CHRNA7: variants seen among roughly 807,000 people sequenced by gnomAD.
CHRNA7 encodes neuronal acetylcholine receptor subunit alpha-7.
A neutral mutation model predicts 48.0 loss-of-function variants in CHRNA7; 17 were observed. The observed-to-expected ratio is 0.35, with a 90% CI of 0.24 to 0.53. The LOEUF (loss-of-function observed/expected upper bound fraction) is 0.53, where lower values mean the gene tolerates loss of function less well. Ranked by LOEUF, CHRNA7 falls within the 20% of genes least tolerant of loss-of-function variation. The pLI, the probability that CHRNA7 is intolerant of heterozygous loss-of-function variation, is 0.92. For missense variants in CHRNA7, 155 were observed against 577.7 expected, an observed-to-expected ratio of 0.27 and a Z score of 7.50; for synonymous variants, 75 against 242.3, an observed-to-expected ratio of 0.31 and a Z score of 6.41.
At chr15:32,134,669 G>C (rs1326185553) in intron 4 of CHRNA7, among the ~76,000 whole-genome samples, 2 of 152,158 alleles carry the variant, frequency 1.3e-5, no homozygotes, top group African/African-American at 4.8e-5. Context: ...CAAAAGGCAG[G>C]TTTGGACTCT....
At chr15:32,076,043 T>C (rs547319160) in intron 2 of CHRNA7, among the ~76,000 whole-genome samples, 1 of 152,324 alleles carries the variant, frequency 6.6e-6, no homozygotes, top group East Asian at 1.9e-4. Flanking sequence ...TTATACTTTG[T>C]GTTATTTCAG....
At chr15:32,102,204 G>C (rs1246126359) in intron 3 of CHRNA7, 2 of 152,018 alleles carry the variant, frequency 1.3e-5, no homozygotes, top group Admixed American at 1.3e-4. Flanking sequence ...CAGTGCAGTG[G>C]CGCAATCTTG....
At chr15:32,030,855 C>A in intron 1 of CHRNA7, 43 bp from the exon 2 acceptor site, 1 of 1,597,632 alleles carries the variant, frequency 6.3e-7, no homozygotes, top group Non-Finnish European at 8.5e-7. Flanking sequence ...GGTACCCCCG[C>A]CGGCCTGCCC....
intron 4 of CHRNA7, among the ~76,000 whole-genome samples, chr15:32,133,946 G>C (rs761812810): frequency 8.5e-5 from 13 of 152,192 alleles, no homozygotes; most frequent in African/African-American, 3.1e-4. Flanking sequence ...CATGTGCCAT[G>C]AACATGCTCT....
At chr15:32,076,151 G>A (rs2050133079) in intron 2 of CHRNA7, among the ~76,000 whole-genome samples, 1 of 152,094 alleles carries the variant, frequency 6.6e-6, no homozygotes, top group South Asian at 2.1e-4. Context: ...TTTGTTCATT[G>A]GGGTGTTGTG....
chr15:32,102,132 T>C (rs1320501344), intron 3 of CHRNA7: 1 of 152,154 alleles, frequency 6.6e-6, no homozygotes, highest in Non-Finnish European at 1.5e-5. Flanking sequence ...TTTTGTTTGT[T>C]TGTTTGTTTG....
rs1465413658 is a variant in CHRNA7 at position 32,083,042 on chromosome 15, A to G, written c.196-18261A>G. Among the ~76,000 whole-genome samples the G allele has an allele frequency of 5.3e-5, 8 of 152,304 alleles. No individual in the cohort carries two copies. The East Asian group carries it at 7.7e-4, about 15-fold the overall frequency. On this transcript the variant is annotated intron_variant, in intron 2 of 9. Transcript: ENST00000306901. Reference sequence around the variant, plus strand: ...TCCCAGCTACTTGGGAGAATCTTTCATGATAACCTGACTTTCTATAAAATA... The same window carrying G: ...TCCCAGCTACTTGGGAGAATCTTTCGTGATAACCTGACTTTCTATAAAATA...
chr15:32,051,345 A>C (rs4779964), intron 2 of CHRNA7, among the ~76,000 whole-genome samples: 13 of 152,142 alleles, frequency 8.5e-5, no homozygotes, highest in Non-Finnish European at 1.3e-4. Flanking sequence ...AAGCGAGCCT[A>C]GGCAATGGCG....
chr15:32,064,321 C>G (rs1181821039), intron 2 of CHRNA7, among the ~76,000 whole-genome samples: 12 of 151,876 alleles, frequency 7.9e-5, no homozygotes. Context: ...CTCCTTGATC[C>G]TTCTACTTCT....
intron 2 of CHRNA7, among the ~76,000 whole-genome samples, chr15:32,041,904 A>G (rs948320115): frequency 6.6e-6 from 1 of 152,174 alleles, no homozygotes; most frequent in Non-Finnish European, 1.5e-5. Flanking sequence ...CTGTTCTTGC[A>G]TGATGTCTGC....
intron 2 of CHRNA7, among the ~76,000 whole-genome samples, chr15:32,037,164 T>C (rs937356859): frequency 1.3e-5 from 2 of 152,210 alleles, no homozygotes; most frequent in Non-Finnish European, 2.9e-5. Context: ...CCAGTTGTTG[T>C]AGCACCATTT....
At chr15:32,074,173 G>A (rs2050100520) in intron 2 of CHRNA7, among the ~76,000 whole-genome samples, 1 of 151,226 alleles carries the variant, frequency 6.6e-6, no homozygotes, top group African/African-American at 2.4e-5. Flanking sequence ...TTTGTATCCT[G>A]CAGCTTTGCT....
intron 4 of CHRNA7, among the ~76,000 whole-genome samples, chr15:32,150,946 A>AC (rs34217634): frequency 0.073 from 10,957 of 151,086 alleles, 559 homozygotes; most frequent in Non-Finnish European, 0.11. Flanking sequence ...TTTGGAAGTA[A>AC]GGGGGGGGGA....
intron 2 of CHRNA7, 131 bp downstream of exon 2, chr15:32,031,168 C>T (rs900056330): frequency 9.2e-7 from 1 of 1,087,656 alleles, no homozygotes; most frequent in Non-Finnish European, 1.3e-6. Context: ...TAGGCAGGGC[C>T]ATGCTCTGAG....
chr15:32,111,722 A>G (rs923313072), intron 3 of CHRNA7, 68 bp from the exon 4 acceptor site: 9 of 897,238 alleles, frequency 1.0e-5, no homozygotes, highest in Middle Eastern at 2.2e-4. Flanking sequence ...CACTTACCTA[A>G]TAATCGCTTA....
At chr15:32,091,047 C>T (rs185192684) in intron 2 of CHRNA7, among the ~76,000 whole-genome samples, 1 of 152,064 alleles carries the variant, frequency 6.6e-6, no homozygotes. Flanking sequence ...ATTTCAGTTA[C>T]TAAATTTTTC....
chr15:32,041,034 G>C (rs1007213384), intron 2 of CHRNA7, among the ~76,000 whole-genome samples: 3 of 151,674 alleles, frequency 2.0e-5, no homozygotes, highest in Non-Finnish European at 4.4e-5. Flanking sequence ...TTACCTTTTT[G>C]GTCCTCTAAA....
chr15:32,070,006 C>T (rs915390274), intron 2 of CHRNA7, among the ~76,000 whole-genome samples: 1 of 152,042 alleles, frequency 6.6e-6, no homozygotes, highest in African/African-American at 2.4e-5. Flanking sequence ...ATTGATGAAG[C>T]ATTTATTGTG....
Position 32,030,585 on chromosome 15 carries a change from G to T in CHRNA7, c.-10G>T, listed in dbSNP as rs1312510778. 2.0e-6 allele frequency: 3 copies of T among 1,526,658 alleles called. No individual in the cohort carries two copies. Among genetic ancestry groups the T allele is most frequent in the Non-Finnish European group, 1.7e-6 (2 of 1,144,746 alleles). 94.6% of individuals were successfully genotyped at this position (1,526,658 alleles called of 1,614,324 possible). A position where few individuals can be genotyped will look rare whatever the true frequency, so the allele number is the denominator to read the frequency against. On this transcript the variant is annotated 5_prime_UTR_variant, in exon 1 of 10. Coordinates refer to ENST00000306901, the MANE Select transcript of CHRNA7 (RefSeq NM_000746.6). ...GAGCGCGCCGGCTCGCTGCAGCTCC[G>T]GGACTCAACATGCGCTGCTCGCCGG...
Sources: gnomAD v4.1 joint callset for allele counts (sites outside exome capture counted in the v4.1 genomes callset) on GRCh38, gnomAD v4.1.1 for gene constraint, MANE v1.5 for transcripts, NCBI Gene and HGNC (gene_info 2026-07-23, HGNC 2026-07-21) for gene names.